Variants in GALNTL6 observed in about 807,000 individuals in gnomAD.
GALNTL6 encodes polypeptide N-acetylgalactosaminyltransferase-like 6.
A neutral mutation model predicts 73.7 loss-of-function variants in GALNTL6; 46 were observed. The ratio of observed to expected loss-of-function variants is 0.62; its 90% CI spans 0.49 to 0.80. The LOEUF (loss-of-function observed/expected upper bound fraction) is 0.80. GALNTL6 is among the 30% of genes least tolerant of loss of function. The pLI is 0.00. For synonymous variants in GALNTL6, 259 were observed against 263.7 expected, an observed-to-expected ratio of 0.98 and a Z score of 0.17; for missense variants, 604 against 755.0, an observed-to-expected ratio of 0.80 and a Z score of 2.34.
chr4:172,066,460 T>G (rs72698973), intron 2 of GALNTL6, among the ~76,000 whole-genome samples: 3,069 of 152,212 alleles, frequency 0.02, 35 homozygotes, highest in Non-Finnish European at 0.03. Context: ...AGCAGCTAAG[T>G]TTCTATTTCT....
At chr4:171,950,444 A>G (rs891661348) in intron 2 of GALNTL6, among the ~76,000 whole-genome samples, 11 of 151,884 alleles carry the variant, frequency 7.2e-5, no homozygotes, top group Admixed American at 3.3e-4. Context: ...AATACTGGAC[A>G]CAGATAGGTG....
chr4:172,473,622 G>C (rs904733673), intron 5 of GALNTL6, among the ~76,000 whole-genome samples: 3 of 152,100 alleles, frequency 2.0e-5, no homozygotes, highest in Non-Finnish European at 2.9e-5. Flanking sequence ...TCTTTACAAG[G>C]CTTCCAAAAT....
At chr4:172,290,193 G>A (rs1389433162) in intron 3 of GALNTL6, among the ~76,000 whole-genome samples, 1 of 152,000 alleles carries the variant, frequency 6.6e-6, no homozygotes, top group African/African-American at 2.4e-5. Context: ...GTTCCTCTGA[G>A]ACAAATTTTA....
At chr4:172,876,358 C>T (rs1745194454) in intron 7 of GALNTL6, among the ~76,000 whole-genome samples, 1 of 152,168 alleles carries the variant, frequency 6.6e-6, no homozygotes, top group South Asian at 2.1e-4. Flanking sequence ...CTGCCACCTG[C>T]TTTTGGATAA....
chr4:171,986,510 G>T (rs1002741855), intron 2 of GALNTL6, among the ~76,000 whole-genome samples: 1 of 152,046 alleles, frequency 6.6e-6, no homozygotes. Context: ...TGAAATAGTG[G>T]TAAAGTGTTG....
At chr4:172,933,957 C>G (rs766147723) in intron 9 of GALNTL6, among the ~76,000 whole-genome samples, 1 of 152,202 alleles carries the variant, frequency 6.6e-6, no homozygotes, top group Non-Finnish European at 1.5e-5. Context: ...TAAACACACA[C>G]ATAGACACAC....
At chr4:172,778,988 C>G (rs2110889847) in intron 5 of GALNTL6, among the ~76,000 whole-genome samples, 1 of 151,622 alleles carries the variant, frequency 6.6e-6, no homozygotes, top group South Asian at 2.1e-4. Flanking sequence ...CTCTCTCTCT[C>G]TCTCACACAC....
chr4:172,478,312 G>C (rs532463546), intron 5 of GALNTL6, among the ~76,000 whole-genome samples: 1 of 152,282 alleles, frequency 6.6e-6, no homozygotes, highest in East Asian at 1.9e-4. Flanking sequence ...TGTAAAAGTA[G>C]ACACTTAGAC....
chr4:171,930,735 C>T (rs889409335), intron 2 of GALNTL6, among the ~76,000 whole-genome samples: 1 of 152,114 alleles, frequency 6.6e-6, no homozygotes, highest in Non-Finnish European at 1.5e-5. Flanking sequence ...ACTTGGGAGG[C>T]TAAGGCAGAG....
At chr4:173,002,624 C>G (rs1197113341) in intron 10 of GALNTL6, among the ~76,000 whole-genome samples, 3 of 150,770 alleles carry the variant, frequency 2.0e-5, no homozygotes, top group African/African-American at 7.3e-5. Flanking sequence ...GAAACCCTGT[C>G]TCTACTAAAA....
chr4:173,041,434 T>TG lies in GALNTL6; in HGVS notation c.*1337dup, dbSNP rs1463148885. On this transcript the variant is annotated 3_prime_UTR_variant, in exon 13 of 13. Coordinates refer to ENST00000506823, the MANE Select transcript of GALNTL6 (RefSeq NM_001034845.3). ...AAAACACAGGTATCAAGGTGGTTCT[T>TG]GGGAAAAAAGAATCATGTTTATTAT... 2 of 152,160 alleles carry TG rather than the reference T, an allele frequency of 1.3e-5. No homozygotes were observed. Among genetic ancestry groups the TG allele is most frequent in the African/African-American group, 4.8e-5 (2 of 41,454 alleles). 9.4% of individuals were successfully genotyped at this position (152,160 alleles called of 1,614,324 possible). A position where few individuals can be genotyped will look rare whatever the true frequency, so the allele number is the denominator to read the frequency against.
chr4:172,785,765 T>C (rs1359774597), intron 5 of GALNTL6, among the ~76,000 whole-genome samples: 1 of 149,846 alleles, frequency 6.7e-6, no homozygotes, highest in African/African-American at 2.4e-5. Context: ...AGAAATTTAT[T>C]GTAAAGTCTT....
At chr4:172,087,253 C>T (rs185651446) in intron 2 of GALNTL6, among the ~76,000 whole-genome samples, 1 of 152,092 alleles carries the variant, frequency 6.6e-6, no homozygotes, top group East Asian at 1.9e-4. Context: ...ACCATCCTGG[C>T]TAACAAGGTG....
At chr4:172,755,893 GT>G (rs1279142115) in intron 5 of GALNTL6, among the ~76,000 whole-genome samples, 1 of 152,106 alleles carries the variant, frequency 6.6e-6, no homozygotes, top group African/African-American at 2.4e-5. Flanking sequence ...TATTTAATGA[GT>G]TTAAACCACT....
At chr4:172,024,665 T>C (rs1394660951) in intron 2 of GALNTL6, among the ~76,000 whole-genome samples, 2 of 151,974 alleles carry the variant, frequency 1.3e-5, no homozygotes, top group African/African-American at 4.8e-5. Context: ...GATACATTTT[T>C]GCCATAGAAC....
At chr4:172,416,566 A>G (rs1730845109) in intron 5 of GALNTL6, among the ~76,000 whole-genome samples, 2 of 152,206 alleles carry the variant, frequency 1.3e-5, no homozygotes, top group South Asian at 4.1e-4. Context: ...AAAATCAAGG[A>G]TATTTATATG....
chr4:172,669,901 T>C (rs1034598725), intron 5 of GALNTL6, among the ~76,000 whole-genome samples: 2 of 152,222 alleles, frequency 1.3e-5, no homozygotes, highest in African/African-American at 4.8e-5. Flanking sequence ...CTCCCTCTAA[T>C]AAGTGAGAGC....
intron 12 of GALNTL6, among the ~76,000 whole-genome samples, chr4:173,024,755 T>C (rs1753164258): frequency 6.6e-6 from 1 of 152,130 alleles, no homozygotes; most frequent in African/African-American, 2.4e-5. Context: ...AATTTTGTAT[T>C]TTTAGTAGAG....
At chr4:172,082,104 TG>T (rs1222330086) in intron 2 of GALNTL6, among the ~76,000 whole-genome samples, 1 of 152,136 alleles carries the variant, frequency 6.6e-6, no homozygotes, top group Non-Finnish European at 1.5e-5. Flanking sequence ...TTCAAATTCC[TG>T]ACCTCAAATG....
Sources: gnomAD v4.1 joint callset for allele counts (sites outside exome capture counted in the v4.1 genomes callset) on GRCh38, gnomAD v4.1.1 for gene constraint, MANE v1.5 for transcripts, NCBI Gene and HGNC (gene_info 2026-07-23, HGNC 2026-07-21) for gene names.